VWA8: variants seen among roughly 807,000 people sequenced by gnomAD.
VWA8 encodes von Willebrand factor A domain-containing protein 8.
In VWA8, 221 loss-of-function variants were observed where a neutral mutation model predicts 241.5. The observed-to-expected ratio is 0.91, with a 90% CI of 0.82 to 1.02. The LOEUF is 1.02. Among genes scored for constraint, VWA8 ranks in the 50% least tolerant of loss-of-function variants. VWA8 has a pLI of 0.00. For missense variants in VWA8, 2,322 were observed against 2,328.7 expected (o/e 1.00, Z 0.06); for synonymous variants, 852 against 827.1 (o/e 1.03, Z -0.52).
chr13:41,606,158 A>G (rs1255798420), intron 39 of VWA8, among the ~76,000 whole-genome samples: 2 of 152,062 alleles, frequency 1.3e-5, no homozygotes, highest in Non-Finnish European at 2.9e-5. Context: ...TCCCTCAGAG[A>G]ATTTGCTCTC....
At chr13:41,622,793 C>T (rs949357517) in intron 37 of VWA8, among the ~76,000 whole-genome samples, 1 of 152,166 alleles carries the variant, frequency 6.6e-6, no homozygotes, top group African/African-American at 2.4e-5. Context: ...TCCTTGAGTT[C>T]ATGACTTTTA....
intron 12 of VWA8, among the ~76,000 whole-genome samples, chr13:41,857,348 T>A (rs948846867): frequency 6.6e-6 from 1 of 152,196 alleles, no homozygotes; most frequent in Non-Finnish European, 1.5e-5. Context: ...TAAATTTGAG[T>A]TACATTTTCC....
At chr13:41,617,576 G>A (rs2044629405) in intron 37 of VWA8, among the ~76,000 whole-genome samples, 1 of 152,120 alleles carries the variant, frequency 6.6e-6, no homozygotes, top group South Asian at 2.1e-4. Context: ...TGCCATGTTG[G>A]TTTGCTGCAG....
chr13:41,721,631 AGG>A, intron 24 of VWA8, 56 bp from the exon 25 acceptor site: 2 of 1,533,056 alleles, frequency 1.3e-6, no homozygotes, highest in Admixed American at 2.0e-5. Context: ...ACGATGTCAC[AGG>A]AAAAAATGGA....
intron 37 of VWA8, among the ~76,000 whole-genome samples, chr13:41,629,773 T>C (rs1324237214): frequency 6.6e-6 from 1 of 152,218 alleles, no homozygotes; most frequent in African/African-American, 2.4e-5. Context: ...AAAATACCTT[T>C]ATTGCACAGG....
At chr13:41,955,453 T>C (rs941859719) in intron 1 of VWA8, among the ~76,000 whole-genome samples, 26 of 152,314 alleles carry the variant, frequency 1.7e-4, no homozygotes, top group East Asian at 1.2e-3. Flanking sequence ...CCATATCCTC[T>C]CAAGTCTTAA....
intron 35 of VWA8, among the ~76,000 whole-genome samples, chr13:41,681,770 G>C (rs543461644): frequency 6.6e-6 from 1 of 152,270 alleles, no homozygotes; most frequent in East Asian, 1.9e-4. Context: ...TGTTATGAGA[G>C]AGTATGACAA....
At chr13:41,802,839 G>A (rs766219711) in intron 17 of VWA8, among the ~76,000 whole-genome samples, 40 of 152,328 alleles carry the variant, frequency 2.6e-4, no homozygotes, top group Admixed American at 1.0e-3. Flanking sequence ...AACATAAGTG[G>A]TAGCCAGACA....
rs763693331 is a variant in VWA8, at chr13:41,570,757, T to TAACA, written c.5371-55_5371-52dup. On this transcript the variant is annotated intron_variant, in intron 43 of 44. Transcript: ENST00000379310. ...AGCCATGGCTGAGAAACTTCTTTTT[T>TAACA]AACAAATACGATTATTTTTCTATTG... 2.0e-6 allele frequency: 3 copies of TAACA among 1,514,126 alleles called. No individual in the cohort carries two copies. In the African/African-American group the frequency reaches 4.1e-5, roughly 21 times the overall value. The allele number at this position is 1,514,126 out of a possible 1,614,324, so 93.8% of individuals were successfully genotyped here.
At chr13:41,820,188 C>G (rs1483670503) in intron 14 of VWA8, among the ~76,000 whole-genome samples, 1 of 152,082 alleles carries the variant, frequency 6.6e-6, no homozygotes, top group African/African-American at 2.4e-5. Flanking sequence ...CTAAAAAACC[C>G]AGCAGAAATA....
chr13:41,850,976 A>G (rs1872509472), intron 12 of VWA8, among the ~76,000 whole-genome samples: 1 of 152,210 alleles, frequency 6.6e-6, no homozygotes, highest in Admixed American at 6.5e-5. Flanking sequence ...AACAAAGTGA[A>G]AAGCTCAACA....
intron 37 of VWA8, among the ~76,000 whole-genome samples, chr13:41,635,650 T>G (rs2044751787): frequency 6.6e-6 from 1 of 152,138 alleles, no homozygotes; most frequent in Non-Finnish European, 1.5e-5. Flanking sequence ...GGAGGGGATC[T>G]GTACTCAATA....
chr13:41,603,092 A>G (rs1188557984), intron 40 of VWA8, among the ~76,000 whole-genome samples: 1 of 152,182 alleles, frequency 6.6e-6, no homozygotes, highest in Non-Finnish European at 1.5e-5. Context: ...GAGGATATTT[A>G]GTAAGTTATT....
intron 14 of VWA8, among the ~76,000 whole-genome samples, chr13:41,828,906 C>A (rs1368367971): frequency 6.6e-6 from 1 of 151,962 alleles, no homozygotes; most frequent in Non-Finnish European, 1.5e-5. Context: ...AGTCAAGTCT[C>A]ACCATTGCAT....
intron 37 of VWA8, among the ~76,000 whole-genome samples, chr13:41,667,168 A>C (rs1324314068): frequency 6.6e-6 from 1 of 152,212 alleles, no homozygotes; most frequent in African/African-American, 2.4e-5. Context: ...TAAAACTGAA[A>C]ATAGAACTTA....
At chr13:41,924,760 T>C (rs1263914804) in intron 2 of VWA8, among the ~76,000 whole-genome samples, 3 of 84,750 alleles carry the variant, frequency 3.5e-5, no homozygotes, top group South Asian at 3.7e-4. Flanking sequence ...AAGCACTTTC[T>C]TTTTTTTTTT....
chr13:41,795,063 T>C (rs1042240838), intron 17 of VWA8, among the ~76,000 whole-genome samples: 1 of 151,850 alleles, frequency 6.6e-6, no homozygotes, highest in South Asian at 2.1e-4. Context: ...CTGACAAAAG[T>C]CTAATATCCA....
chr13:41,929,933 C>T (rs1877025795), intron 2 of VWA8, among the ~76,000 whole-genome samples: 1 of 152,010 alleles, frequency 6.6e-6, no homozygotes, highest in African/African-American at 2.4e-5. Flanking sequence ...AAACAATCAA[C>T]AAAATGAAAA....
chr13:41,888,108 A>G (rs112578864), intron 5 of VWA8, among the ~76,000 whole-genome samples: 66 of 152,344 alleles, frequency 4.3e-4, no homozygotes, highest in Non-Finnish European at 7.3e-4. Context: ...TAGGAAAAAT[A>G]TCACCTACAT....
Sources: gnomAD v4.1 joint callset for allele counts (sites outside exome capture counted in the v4.1 genomes callset) on GRCh38, gnomAD v4.1.1 for gene constraint, MANE v1.5 for transcripts, NCBI Gene and HGNC (gene_info 2026-07-23, HGNC 2026-07-21) for gene names.